The following STARD8 variants were observed in gnomAD, a reference collection of about 807,000 sequenced individuals.
The protein encoded by STARD8 is stAR-related lipid transfer protein 8.
In STARD8, 25 loss-of-function variants were observed where a neutral mutation model predicts 69.4. That is an observed-to-expected ratio of 0.36 (90% CI 0.26 to 0.50). STARD8 has a LOEUF of 0.50. Among genes scored for constraint, STARD8 ranks in the 20% least tolerant of loss-of-function variants. The pLI is 0.96. For synonymous variants in STARD8, 389 were observed against 374.6 expected, an observed-to-expected ratio of 1.04 and a Z score of -0.45; for missense variants, 921 against 932.5, an observed-to-expected ratio of 0.99 and a Z score of 0.16.
chrX:68,653,451 CCA>C (rs1177573347), intron 1 of STARD8, among the ~76,000 whole-genome samples: 10 of 55,192 alleles, frequency 1.8e-4, no homozygotes, highest in South Asian at 1.2e-3. Context: ...ACACCTCACA[CCA>C]CACACACACA....
At chrX:68,655,099 A>G (rs1176493877) in intron 1 of STARD8, among the ~76,000 whole-genome samples, 5 of 111,691 alleles carry the variant, frequency 4.5e-5, no homozygotes, top group Non-Finnish European at 9.4e-5. Flanking sequence ...CCTCGATGCC[A>G]TCACTACAGA....
intron 2 of STARD8, among the ~76,000 whole-genome samples, chrX:68,702,113 G>T (rs2079971042): frequency 8.9e-6 from 1 of 112,520 alleles, no homozygotes; most frequent in Non-Finnish European, 1.9e-5. Flanking sequence ...ATGGTAGCCT[G>T]TCTCCCTGAG....
chrX:68,698,113 C>T (rs907290144), intron 2 of STARD8, among the ~76,000 whole-genome samples: 2 of 112,032 alleles, frequency 1.8e-5, no homozygotes, highest in Non-Finnish European at 3.8e-5. Flanking sequence ...CATTCACTCA[C>T]GGGAACTTCT....
chrX:68,657,240 C>A (rs1021476315), intron 1 of STARD8, among the ~76,000 whole-genome samples: 1 of 111,787 alleles, frequency 8.9e-6, no homozygotes, highest in African/African-American at 3.3e-5. Flanking sequence ...TGAGAATGAT[C>A]CCAAAGCCTG....
Position 68,722,073 on chromosome X carries a change from G to A in STARD8, c.2486G>A (p.Gly829Asp), listed in dbSNP as rs968893060. Residue 829 changes from glycine (G) to aspartate (D), a missense_variant, in exon 11 of 15, where the codon GGC becomes GAC. Gly to Asp is a moderately conservative substitution (Grantham distance 94). Coordinates refer to ENST00000374599, the MANE Select transcript of STARD8 (RefSeq NM_001142503.3). The stretch of plus-strand genomic sequence containing the variant: ...ATCAAGAGCAAACGCAGCCTCATTG[G>A]CAGGCCAGGCCCTAGGGACCTGAGT... ...PRIKSKRSLIGRPGPRDLSDN... is the reference protein window; with the variant it reads ...PRIKSKRSLIDRPGPRDLSDN... 10 of 1,201,072 alleles carry A rather than the reference G, an allele frequency of 8.3e-6. No homozygotes were observed. Among genetic ancestry groups the A allele is most frequent in the Non-Finnish European group, 1.1e-5 (10 of 888,525 alleles).
At chrX:68,712,107 TC>T (rs1362989578) in intron 2 of STARD8, among the ~76,000 whole-genome samples, 1 of 112,285 alleles carries the variant, frequency 8.9e-6, no homozygotes, top group African/African-American at 3.2e-5. Context: ...GTGCCAGAAC[TC>T]CCAGAGCAGA....
At position 68,665,252 on chromosome X, in the gene STARD8, G is replaced by A. The variant is rs767429757; in HGVS notation, c.46-247G>A. On this transcript the variant is annotated intron_variant, in intron 1 of 14. Transcript: ENST00000374599. ...GACCTGGGGGCCTTCTCCATTCAGG[G>A]AGAGTGAAGTGAACCAGCAGGATCA... is the stretch of plus-strand genomic sequence containing the variant. Among the ~76,000 whole-genome samples, 4 of 112,158 alleles carry A rather than the reference G, an allele frequency of 3.6e-5. No individual in the cohort carries two copies. In the East Asian group the frequency reaches 1.1e-3, roughly 32 times the overall value.
At chrX:68,693,632 C>T in intron 2 of STARD8, 1 of 754,659 alleles carries the variant, frequency 1.3e-6, no homozygotes, top group Non-Finnish European at 1.6e-6. Context: ...ACGCTCCCTC[C>T]CCACTTGAGC....
intron 2 of STARD8, among the ~76,000 whole-genome samples, chrX:68,684,447 A>T (rs1266292889): frequency 1.8e-5 from 2 of 112,879 alleles, no homozygotes; most frequent in Non-Finnish European, 3.8e-5. Flanking sequence ...CCTTCCTTCT[A>T]GGCCGCTGCC....
intron 2 of STARD8, among the ~76,000 whole-genome samples, chrX:68,666,807 TG>T (rs1391436943): frequency 1.5e-3 from 171 of 112,598 alleles, no homozygotes; most frequent in African/African-American, 5.2e-3. Flanking sequence ...GCGCAGTTTC[TG>T]CTTTGCAACA....
intron 1 of STARD8, among the ~76,000 whole-genome samples, chrX:68,648,368 T>A (rs2079527611): frequency 8.9e-6 from 1 of 111,876 alleles, no homozygotes; most frequent in South Asian, 3.8e-4. Context: ...GTGTGGAGCA[T>A]CCACACAAAC....
chrX:68,668,926 A>G (rs950076111), intron 2 of STARD8, among the ~76,000 whole-genome samples: 1 of 112,053 alleles, frequency 8.9e-6, no homozygotes, highest in Non-Finnish European at 1.9e-5. Flanking sequence ...TATGTAGTAA[A>G]TTAAATATAT....
chrX:68,702,049 C>T (rs1202882187), intron 2 of STARD8, among the ~76,000 whole-genome samples: 2 of 111,938 alleles, frequency 1.8e-5, no homozygotes, highest in Non-Finnish European at 3.8e-5. Context: ...AGGGCTTATT[C>T]CCCTTTATCT....
chrX:68,668,113 CT>C (rs766985721), intron 2 of STARD8, among the ~76,000 whole-genome samples: 5 of 84,692 alleles, frequency 5.9e-5, no homozygotes, highest in Middle Eastern at 5.8e-3. Context: ...TTCTTTCTTT[CT>C]GTCTTTCTTT....
intron 2 of STARD8, among the ~76,000 whole-genome samples, chrX:68,690,281 C>A (rs2079866626): frequency 9.0e-6 from 1 of 111,487 alleles, no homozygotes; most frequent in South Asian, 3.8e-4. Flanking sequence ...GCTGAATTCC[C>A]TGAAGTGATT....
At chrX:68,652,150 G>A (rs1019034838) in intron 1 of STARD8, among the ~76,000 whole-genome samples, 1 of 110,489 alleles carries the variant, frequency 9.1e-6, no homozygotes, top group Non-Finnish European at 1.9e-5. Context: ...AAGTCACCAC[G>A]CTCGGCAAGG....
chrX:68,693,881 CTCCCTCT>C, intron 2 of STARD8: 1 of 716,803 alleles, frequency 1.4e-6, no homozygotes, highest in Non-Finnish European at 1.7e-6. Context: ...GCGCCTGGGG[CTCCCTCT>C]CCCCGCTTTG....
intron 1 of STARD8, among the ~76,000 whole-genome samples, chrX:68,653,234 A>C (rs1299807635): frequency 1.6e-4 from 3 of 18,443 alleles, no homozygotes; most frequent in Non-Finnish European, 3.2e-4. Flanking sequence ...ACACCACACC[A>C]CACACACACA....
At chrX:68,671,964 G>T (rs2079731172) in intron 2 of STARD8, among the ~76,000 whole-genome samples, 1 of 111,676 alleles carries the variant, frequency 9.0e-6, no homozygotes, top group Non-Finnish European at 1.9e-5. Context: ...TTTGGAGACT[G>T]GAGTTGGCGG....
Sources: gnomAD v4.1 joint callset for allele counts (sites outside exome capture counted in the v4.1 genomes callset) on GRCh38, gnomAD v4.1.1 for gene constraint, MANE v1.5 for transcripts, NCBI Gene and HGNC (gene_info 2026-07-23, HGNC 2026-07-21) for gene names.